GLDN: variants seen among roughly 807,000 people sequenced by gnomAD.
The protein encoded by GLDN is gliomedin.
In GLDN, 47 loss-of-function variants were observed where a neutral mutation model predicts 56.5. That is an observed-to-expected ratio of 0.83 (90% CI 0.66 to 1.06). GLDN has a LOEUF of 1.06. GLDN is among the 50% of genes least tolerant of loss of function. The pLI, the probability that GLDN is intolerant of heterozygous loss-of-function variation, is 0.00. For synonymous variants in GLDN, 332 were observed against 278.8 expected (o/e 1.19, Z -1.90); for missense variants, 782 against 714.3 (o/e 1.09, Z -1.08).
In GLDN at chr15:51,403,266, C is replaced by T. The variant is rs2470191; in HGVS notation, c.1179-1011C>T. Reference sequence around the variant, plus strand: ...GCAGCTGTGAGGTGCCAGGACTAGACGGGGCCAAATGGCAGCAGTAAACCC... The same window carrying T: ...GCAGCTGTGAGGTGCCAGGACTAGATGGGGCCAAATGGCAGCAGTAAACCC... On this transcript the variant is annotated intron_variant, in intron 9 of 9. Coordinates refer to ENST00000335449, the MANE Select transcript of GLDN (RefSeq NM_181789.4). Among the ~76,000 whole-genome samples, 1,074 of 152,252 alleles carry T rather than the reference C, an allele frequency of 7.1e-3. 7 individuals are homozygous for T. Among genetic ancestry groups the T allele is most frequent in the Middle Eastern group, 0.017 (5 of 294 alleles).
At chr15:51,359,837 G>A (rs1249119663) in intron 1 of GLDN, among the ~76,000 whole-genome samples, 1 of 152,014 alleles carries the variant, frequency 6.6e-6, no homozygotes, top group Admixed American at 6.5e-5. Context: ...AAATTAGCCA[G>A]GCATGGTGGC....
At chr15:51,409,142 T>C (rs536574967), downstream of GLDN, among the ~76,000 whole-genome samples, 65 of 150,536 alleles carry the variant, frequency 4.3e-4, no homozygotes, top group African/African-American at 1.4e-3. Context: ...ATAGTTTCCA[T>C]GGGCTGAGAC....
At chr15:51,354,883 G>A (rs2037144704) in intron 1 of GLDN, among the ~76,000 whole-genome samples, 1 of 152,198 alleles carries the variant, frequency 6.6e-6, no homozygotes, top group East Asian at 1.9e-4. Flanking sequence ...GGGAAAGACT[G>A]AAGCAAGAAG....
intron 1 of GLDN, among the ~76,000 whole-genome samples, chr15:51,375,475 T>C (rs992583240): frequency 1.3e-5 from 2 of 152,264 alleles, no homozygotes; most frequent in African/African-American, 4.8e-5. Context: ...ATTTGCATTT[T>C]TTCATTTATC....
At chr15:51,383,355 T>A in intron 2 of GLDN, 81 bp from the exon 3 acceptor site, 1 of 1,417,160 alleles carries the variant, frequency 7.1e-7, no homozygotes, top group Non-Finnish European at 9.9e-7. Flanking sequence ...AGTAGATAAT[T>A]AGGAGATTTG....
chr15:51,406,713 C>T lies in GLDN; in HGVS notation c.*1959C>T, dbSNP rs1188853303. ...AATCTCCCTGCTCCCCTGAAAGTCC[C>T]CAGGCAGCTGTCAATGACTTGTTTG... On this transcript the variant is annotated 3_prime_UTR_variant, in exon 10 of 10. Transcript: ENST00000335449. The T allele has an allele frequency of 2.0e-5, 3 of 152,156 alleles. No individual in the cohort carries two copies. In the South Asian group the frequency reaches 6.2e-4, roughly 32 times the overall value. The allele number at this position is 152,156 out of a possible 1,614,324, so 9.4% of individuals were successfully genotyped here.
At chr15:51,394,680 C>T (rs183932909) in intron 4 of GLDN, among the ~76,000 whole-genome samples, 155 bp from the exon 5 acceptor site, 10 of 152,128 alleles carry the variant, frequency 6.6e-5, no homozygotes, top group African/African-American at 2.4e-4. Context: ...CTTTAATGAA[C>T]GTATGGTCAC....
Position 51,397,457 on chromosome 15 carries a change from T to C in GLDN, c.689-13T>C. On this transcript the variant is annotated splice_polypyrimidine_tract_variant and intron_variant, in intron 5 of 9. Transcript: ENST00000335449. ...TTGCCTCCTTCTCTCCCTTTCTCTC[T>C]CTCTCTCTCCAGGTGCCAAAGGTGA... The C allele has an allele frequency of 1.4e-6, 2 of 1,409,306 alleles. No homozygotes were observed. The highest frequency in any genetic ancestry group is 1.9e-4 in the Middle Eastern group (1 of 5,200). 87.3% of individuals were successfully genotyped at this position (1,409,306 alleles called of 1,614,324 possible).
intron 1 of GLDN, among the ~76,000 whole-genome samples, chr15:51,370,116 CA>C (rs1276097902): frequency 6.6e-6 from 1 of 151,974 alleles, no homozygotes; most frequent in East Asian, 1.9e-4. Flanking sequence ...CCACTGTCTC[CA>C]AAAAAGAATA....
intron 1 of GLDN, among the ~76,000 whole-genome samples, chr15:51,366,754 T>C (rs2037410452): frequency 6.6e-6 from 1 of 152,090 alleles, no homozygotes; most frequent in African/African-American, 2.4e-5. Flanking sequence ...CTACATTAAA[T>C]TTAAAAACTA....
At position 51,407,334 on chromosome 15, in the gene GLDN, C is replaced by A. The variant is rs2038405914; in HGVS notation, c.*2580C>A. On this transcript the variant is annotated 3_prime_UTR_variant, in exon 10 of 10. Transcript: ENST00000335449. ...TTTTAAAGAAGTTTTGGGCTCACTGCTAAAATAGAGTATACAACTGAATGT... is the reference window on the plus strand; with the variant it reads ...TTTTAAAGAAGTTTTGGGCTCACTGATAAAATAGAGTATACAACTGAATGT... 2.0e-5 allele frequency: 3 copies of A among 152,104 alleles called. No individual in the cohort carries two copies. The highest frequency in any genetic ancestry group is 6.6e-5 in the Admixed American group (1 of 15,264). 9.4% of individuals were successfully genotyped at this position (152,104 alleles called of 1,614,324 possible).
chr15:51,347,414 C>A (rs552661769), intron 1 of GLDN, among the ~76,000 whole-genome samples: 6 of 152,088 alleles, frequency 3.9e-5, no homozygotes, highest in African/African-American at 1.2e-4. Flanking sequence ...GATTTTTTTG[C>A]GATTTTTTTT....
In GLDN at chr15:51,404,723, T is replaced by C; in HGVS notation, c.1625T>C (p.Val542Ala). ...GATGGCCATTTAATGCTTTATCCTG[T>C]GCAGTTTTTGTCAACTACCTTAAAT... ...WEDGHLMLYP[V>A]QFLSTTLNQ Residue 542 changes from valine to alanine, a missense_variant, in exon 10 of 10, where the codon GTG becomes GCG. Coordinates refer to ENST00000335449, the MANE Select transcript of GLDN (RefSeq NM_181789.4). 6.2e-7 allele frequency: 1 copy of C among 1,603,976 alleles called. No homozygotes were observed. Among genetic ancestry groups the C allele is most frequent in the South Asian group, 1.1e-5 (1 of 90,608 alleles).
chr15:51,353,361 C>T (rs1032225706), intron 1 of GLDN, among the ~76,000 whole-genome samples: 2 of 152,164 alleles, frequency 1.3e-5, no homozygotes, highest in African/African-American at 4.8e-5. Context: ...TGAAACTCTT[C>T]GTTGCAATTC....
At chr15:51,389,210 A>G (rs753119538) in intron 4 of GLDN, among the ~76,000 whole-genome samples, 7 of 152,152 alleles carry the variant, frequency 4.6e-5, no homozygotes, top group Non-Finnish European at 8.8e-5. Flanking sequence ...ATACTCCACT[A>G]TAGTGTTGGT....
In GLDN at chr15:51,358,889, G is replaced by T. The variant is rs530787460; in HGVS notation, c.363+16842G>T. Reference sequence around the variant, plus strand: ...AACTATAATACCGTCCTACACCTAGGTGTCTTTTGTAAACAGGAGGGCAAA... The same window carrying T: ...AACTATAATACCGTCCTACACCTAGTTGTCTTTTGTAAACAGGAGGGCAAA... On this transcript the variant is annotated intron_variant, in intron 1 of 9. Transcript: ENST00000335449. 7.2e-5 allele frequency among the ~76,000 whole-genome samples: 11 copies of T among 152,270 alleles called. No homozygotes were observed. In the South Asian group the frequency reaches 2.3e-3, roughly 32 times the overall value.
intron 1 of GLDN, among the ~76,000 whole-genome samples, chr15:51,351,886 T>C (rs2037082576): frequency 6.6e-6 from 1 of 152,222 alleles, no homozygotes; most frequent in African/African-American, 2.4e-5. Flanking sequence ...CTCAGTTTCC[T>C]CATCTGTATG....
intron 1 of GLDN, among the ~76,000 whole-genome samples, chr15:51,361,373 C>T (rs2037297223): frequency 1.3e-5 from 2 of 152,156 alleles, no homozygotes; most frequent in African/African-American, 4.8e-5. Flanking sequence ...TGACTATAGA[C>T]TGATCCATGA....
At chr15:51,397,334 T>TCCTCCCTC (rs1212330928) in intron 5 of GLDN, 136 bp from the exon 6 acceptor site, 1 of 213,836 alleles carries the variant, frequency 4.7e-6, no homozygotes, top group African/African-American at 2.6e-5. Flanking sequence ...CTTTCTCTGT[T>TCCTCCCTC]CCTCCCTCCC....
Sources: gnomAD v4.1 joint callset for allele counts (sites outside exome capture counted in the v4.1 genomes callset) on GRCh38, gnomAD v4.1.1 for gene constraint, MANE v1.5 for transcripts, NCBI Gene and HGNC (gene_info 2026-07-23, HGNC 2026-07-21) for gene names.